CRYBB1: variants seen among roughly 807,000 people sequenced by gnomAD.
CRYBB1 encodes the protein beta-crystallin B1.
CRYBB1 carries 16 observed loss-of-function variants against 29.5 expected under a neutral mutation model. The observed-to-expected ratio is 0.54, with a 90% CI of 0.37 to 0.82. CRYBB1 has a LOEUF of 0.82. Among genes scored for constraint, CRYBB1 ranks in the 40% least tolerant of loss-of-function variants. The probability of loss-of-function intolerance (pLI) is 0.00; values close to 1 mark genes in which losing one functional copy is unlikely to be tolerated. For missense variants in CRYBB1, 300 were observed against 350.5 expected, an observed-to-expected ratio of 0.86 and a Z score of 1.15; for synonymous variants, 127 against 136.7, an observed-to-expected ratio of 0.93 and a Z score of 0.49.
intron 3 of CRYBB1, among the ~76,000 whole-genome samples, chr22:26,608,463 T>A (rs1293300918): frequency 1.3e-5 from 2 of 152,186 alleles, no homozygotes; most frequent in African/African-American, 4.8e-5. Flanking sequence ...TAATCTCTCC[T>A]TTTTTTCTTT....
chr22:26,602,198 A>C (rs962857790), intron 4 of CRYBB1, among the ~76,000 whole-genome samples, 177 bp from the exon 5 acceptor site: 10 of 151,682 alleles, frequency 6.6e-5, no homozygotes, highest in Admixed American at 2.6e-4. Context: ...TGGGATGACA[A>C]CTCCCACGTC....
rs995863365 is a variant in CRYBB1, at chr22:26,599,287, G to C, written c.*203C>G. ...CATAACAGGCAGAAAGAACTTTTCAGTGTTTGCTGCTTTTATTATCGTTGT... is the reference window on the plus strand; with the variant it reads ...CATAACAGGCAGAAAGAACTTTTCACTGTTTGCTGCTTTTATTATCGTTGT... On this transcript the variant is annotated 3_prime_UTR_variant, in exon 6 of 6. Coordinates refer to ENST00000647684, the MANE Select transcript of CRYBB1 (RefSeq NM_001887.4). The C allele has an allele frequency of 3.0e-5, 18 of 593,096 alleles. No individual in the cohort carries two copies. The highest frequency in any genetic ancestry group is 5.4e-5 in the Non-Finnish European group (18 of 333,800). 36.7% of individuals were successfully genotyped at this position (593,096 alleles called of 1,614,324 possible).
At position 26,607,990 on chromosome 22, in the gene CRYBB1, C is replaced by A. The variant is rs1000106932; in HGVS notation, c.331G>T (p.Gly111Trp). 1 of 1,614,194 alleles carries A rather than the reference C, an allele frequency of 6.2e-7. No individual in the cohort carries two copies. The change falls in exon 4 of 6, where the codon GGG (glycine) becomes TGG (tryptophan). Residue 111 changes from glycine (G) to tryptophan (W), a missense_variant. Transcript: ENST00000647684. ...CCCTTCTCCAGGATGAACATCTCCC[C>A]GCGGAAGTTGGACTGCTCAAAGGCG... ...WVAFEQSNFR[G>W]EMFILEKGEY...
intron 1 of CRYBB1, among the ~76,000 whole-genome samples, chr22:26,617,241 G>A (rs1172317262): frequency 6.6e-6 from 1 of 152,070 alleles, no homozygotes; most frequent in Admixed American, 6.5e-5. Context: ...TTGGGGTCGT[G>A]GACTCCTTTG....
intron 4 of CRYBB1, 98 bp from the exon 5 acceptor site, chr22:26,602,119 C>G: frequency 6.8e-7 from 1 of 1,477,376 alleles, no homozygotes; most frequent in African/African-American, 1.4e-5. Flanking sequence ...GAGAGATGAG[C>G]CTGTTCAGGC....
chr22:26,602,393 G>A (rs1034129827), intron 4 of CRYBB1, among the ~76,000 whole-genome samples: 2 of 151,924 alleles, frequency 1.3e-5, no homozygotes, highest in Non-Finnish European at 2.9e-5. Flanking sequence ...AGACCAGCCT[G>A]GGCAACATAG....
chr22:26,611,157 T>C (rs1257097262), intron 3 of CRYBB1, among the ~76,000 whole-genome samples: 1 of 152,178 alleles, frequency 6.6e-6, no homozygotes, highest in Non-Finnish European at 1.5e-5. Flanking sequence ...AGGAATGAAC[T>C]CAATCAACCT....
chr22:26,603,139 A>C (rs58639195), intron 4 of CRYBB1, among the ~76,000 whole-genome samples: 5,934 of 106,300 alleles, frequency 0.056, 181 homozygotes, highest in East Asian at 0.31. Context: ...AAAAAAAAAA[A>C]AAAAACAAAA....
In CRYBB1 at chr22:26,602,024, G is replaced by A. The variant is rs1232218199; in HGVS notation, c.433-3C>T. On this transcript the variant is annotated splice_polypyrimidine_tract_variant and splice_region_variant and intron_variant, in intron 4 of 5. Coordinates refer to ENST00000647684, the MANE Select transcript of CRYBB1 (RefSeq NM_001887.4). ...GAGATTTTGTGCTCCTGGGCATCCT[G>A]GGGAAAGAGAGGCCGGGTCAGGTGT... 1 of 1,613,558 alleles carries A rather than the reference G, an allele frequency of 6.2e-7. No homozygotes were observed. Among genetic ancestry groups the A allele is most frequent in the South Asian group, 1.1e-5 (1 of 91,060 alleles).
intron 2 of CRYBB1, among the ~76,000 whole-genome samples, chr22:26,614,406 C>T (rs1014815864): frequency 2.6e-5 from 4 of 152,080 alleles, no homozygotes; most frequent in Non-Finnish European, 4.4e-5. Flanking sequence ...AGCTGGCCGA[C>T]GCTTAGGAAA....
At chr22:26,614,462 C>T (rs1216641004) in intron 2 of CRYBB1, among the ~76,000 whole-genome samples, 1 of 152,080 alleles carries the variant, frequency 6.6e-6, no homozygotes, top group Non-Finnish European at 1.5e-5. Flanking sequence ...TCCCCGATAC[C>T]AGGAGACAGG....
intron 2 of CRYBB1, 110 bp downstream of exon 2, chr22:26,616,030 G>T: frequency 2.3e-6 from 2 of 856,918 alleles, no homozygotes; most frequent in Non-Finnish European, 4.0e-6. Context: ...AGGAGAAAGA[G>T]GTGCGGAGGA....
intron 4 of CRYBB1, among the ~76,000 whole-genome samples, chr22:26,604,002 A>G (rs974557937): frequency 1.3e-5 from 2 of 152,212 alleles, no homozygotes; most frequent in Non-Finnish European, 2.9e-5. Flanking sequence ...CTTATTTTTA[A>G]TGCTTTCATG....
In CRYBB1 at chr22:26,612,106, C is replaced by G; in HGVS notation, c.265G>C (p.Asp89His). 2 of 1,613,786 alleles carry G rather than the reference C, an allele frequency of 1.2e-6. No homozygotes were observed. The highest frequency in any genetic ancestry group is 3.3e-4 in the Middle Eastern group (2 of 6,062). ...ECSNLADRGF[D>H]RVRSIIVSAG... Reference sequence around the variant, plus strand: ...GAGACAATGATGCTGCGCACACGGTCGAAGCCACGGTCTGCCAGATTTGAG... The same window carrying G: ...GAGACAATGATGCTGCGCACACGGTGGAAGCCACGGTCTGCCAGATTTGAG... The change falls in exon 3 of 6, where the codon GAC becomes CAC. Residue 89 changes from aspartate to histidine, a missense_variant. By Grantham distance (81) the Asp-to-His change is moderately conservative. Coordinates refer to ENST00000647684, the MANE Select transcript of CRYBB1 (RefSeq NM_001887.4).
intron 5 of CRYBB1, 81 bp from the exon 6 acceptor site, chr22:26,599,754 CCTT>C: frequency 9.3e-7 from 1 of 1,074,146 alleles, no homozygotes; most frequent in Admixed American, 1.8e-5. Context: ...ACCAGCCTGT[CCTT>C]CATTGATCCC....
chr22:26,612,324 C>T (rs1929200024), intron 2 of CRYBB1, 134 bp from the exon 3 acceptor site: 2 of 662,982 alleles, frequency 3.0e-6, no homozygotes, highest in Non-Finnish European at 5.5e-6. Flanking sequence ...GTGAAATGAT[C>T]CTGTCCTCCC....
chr22:26,612,235 G>A (rs769654958), intron 2 of CRYBB1, 45 bp from the exon 3 acceptor site: 46 of 1,333,624 alleles, frequency 3.4e-5, no homozygotes, highest in Non-Finnish European at 1.3e-5. Flanking sequence ...TGAGGGGGGA[G>A]TCAAAAATTC....
chr22:26,602,107 G>A (rs1349504844), intron 4 of CRYBB1, 86 bp from the exon 5 acceptor site: 32 of 1,535,544 alleles, frequency 2.1e-5, no homozygotes, highest in Non-Finnish European at 2.7e-5. Flanking sequence ...GGTGTGGAGC[G>A]AGAGAGATGA....
At chr22:26,605,749 TTA>T (rs1491256366) in intron 4 of CRYBB1, among the ~76,000 whole-genome samples, 209 of 138,814 alleles carry the variant, frequency 1.5e-3, no homozygotes, top group Non-Finnish European at 2.4e-3. Flanking sequence ...ATGGTCAGGT[TTA>T]TTTTTTTTTT....
Sources: allele counts gnomAD v4.1 joint callset (sites outside exome capture counted in the v4.1 genomes callset), GRCh38; gene constraint gnomAD v4.1.1; transcripts MANE v1.5; gene names NCBI Gene and HGNC (gene_info 2026-07-23, HGNC 2026-07-21).